Variants in TMED3 observed in about 807,000 individuals in gnomAD.
TMED3 encodes transmembrane p24 trafficking protein 3.
A neutral mutation model predicts 15.0 loss-of-function variants in TMED3; 9 were observed. The observed-to-expected ratio is 0.60, with a 90% CI of 0.36 to 1.04. TMED3 has a LOEUF of 1.04. Among genes scored for constraint, TMED3 ranks in the 50% least tolerant of loss-of-function variants. The pLI, the probability that TMED3 is intolerant of heterozygous loss-of-function variation, is 0.01. For synonymous variants in TMED3, 117 were observed against 121.4 expected (o/e 0.96, Z 0.24); for missense variants, 267 against 278.9 (o/e 0.96, Z 0.30).
chr15:79,313,961 C>T lies in TMED3; in HGVS notation c.373C>T (p.Pro125Ser). 2 of 1,614,216 alleles carry T rather than the reference C, an allele frequency of 1.2e-6. No individual in the cohort carries two copies. Among genetic ancestry groups the T allele is most frequent in the Middle Eastern group, 1.6e-4 (1 of 6,062 alleles). ...TGACTTTCAAGTGGGCGATGAGCCT[C>T]CCATTCTCCCAGACATGGGGAACAG... The part of the protein sequence containing the change: ...YFDFQVGDEP[P>S]ILPDMGNRVT... The change falls in exon 2 of 3, where the codon CCC becomes TCC. Residue 125 changes from proline to serine, a missense_variant. Physicochemically the swap from Pro to Ser is moderately conservative, Grantham distance 74. Transcript: ENST00000299705.
chr15:79,364,020 C>T (rs1893181398), intron 2 of TMED3, among the ~76,000 whole-genome samples: 1 of 152,152 alleles, frequency 6.6e-6, no homozygotes, highest in African/African-American at 2.4e-5. Flanking sequence ...CAGCTAGGTC[C>T]AGGTTCTTGT....
At chr15:79,371,836 G>A (rs146811208) in intron 2 of TMED3, among the ~76,000 whole-genome samples, 3 of 152,300 alleles carry the variant, frequency 2.0e-5, no homozygotes, top group African/African-American at 7.2e-5. Flanking sequence ...CACCTCTGGG[G>A]ACAGTAAGCA....
chr15:79,404,511 G>A (rs1327973142), intron 2 of TMED3, among the ~76,000 whole-genome samples: 2 of 147,958 alleles, frequency 1.4e-5, no homozygotes, highest in African/African-American at 2.5e-5. Flanking sequence ...CTAAAACATG[G>A]CAGGTGAATG....
chr15:79,351,582 T>A (rs1055707887), intron 2 of TMED3, among the ~76,000 whole-genome samples: 6 of 152,270 alleles, frequency 3.9e-5, no homozygotes, highest in Non-Finnish European at 5.9e-5. Context: ...TAATAGATGT[T>A]GGCGTGGATG....
intron 2 of TMED3, among the ~76,000 whole-genome samples, chr15:79,355,052 C>A (rs1021017084): frequency 3.9e-5 from 6 of 152,310 alleles, no homozygotes; most frequent in Non-Finnish European, 5.9e-5. Flanking sequence ...ACTGGGTTTA[C>A]ATACCCACTT....
At chr15:79,327,916 C>T (rs934660451) in intron 2 of TMED3, among the ~76,000 whole-genome samples, 3 of 152,156 alleles carry the variant, frequency 2.0e-5, no homozygotes, top group African/African-American at 4.8e-5. Flanking sequence ...AGGGTGGCAG[C>T]ACTCAGCCAA....
intron 2 of TMED3, among the ~76,000 whole-genome samples, chr15:79,390,884 T>C (rs1404670151): frequency 1.3e-5 from 2 of 152,130 alleles, no homozygotes; most frequent in Non-Finnish European, 2.9e-5. Flanking sequence ...GTGTTCATAG[T>C]AGCCTTGAAC....
intron 2 of TMED3, among the ~76,000 whole-genome samples, chr15:79,321,705 G>A (rs894187040): frequency 1.3e-5 from 2 of 152,198 alleles, no homozygotes; most frequent in African/African-American, 4.8e-5. Flanking sequence ...GAATAAGAGA[G>A]TATAGGGCAG....
At chr15:79,368,878 A>G (rs1361576371) in intron 2 of TMED3, among the ~76,000 whole-genome samples, 1 of 152,122 alleles carries the variant, frequency 6.6e-6, no homozygotes, top group Non-Finnish European at 1.5e-5. Flanking sequence ...ACATGAGGTC[A>G]GGAGTTTAAG....
chr15:79,353,745 A>G (rs2058907587), intron 2 of TMED3, among the ~76,000 whole-genome samples: 1 of 151,830 alleles, frequency 6.6e-6, no homozygotes, highest in South Asian at 2.1e-4. Flanking sequence ...TTAAAAAATG[A>G]AGACATTATT....
At chr15:79,321,914 T>C in intron 2 of TMED3, 64 bp from the exon 3 acceptor site, 2 of 1,568,632 alleles carry the variant, frequency 1.3e-6, no homozygotes, top group Non-Finnish European at 1.7e-6. Context: ...CAGCATTTGC[T>C]GTTTGCTGGA....
intron 2 of TMED3, among the ~76,000 whole-genome samples, chr15:79,385,569 T>C (rs1893615231): frequency 6.6e-6 from 1 of 152,084 alleles, no homozygotes; most frequent in African/African-American, 2.4e-5. Context: ...TGTCTCTGGC[T>C]CCTGCCTGCT....
At chr15:79,396,458 C>T (rs930427255) in intron 2 of TMED3, among the ~76,000 whole-genome samples, 1 of 152,176 alleles carries the variant, frequency 6.6e-6, no homozygotes, top group Non-Finnish European at 1.5e-5. Flanking sequence ...AGTGGCCATC[C>T]TAAGTAGAAA....
At chr15:79,366,190 C>T (rs1044881418) in intron 2 of TMED3, among the ~76,000 whole-genome samples, 1 of 152,270 alleles carries the variant, frequency 6.6e-6, no homozygotes, top group Non-Finnish European at 1.5e-5. Flanking sequence ...TGGAAGAATG[C>T]AAGTTACCTT....
At chr15:79,311,723 G>A (rs1002958404) in intron 1 of TMED3, among the ~76,000 whole-genome samples, 5 of 152,138 alleles carry the variant, frequency 3.3e-5, no homozygotes, top group Non-Finnish European at 7.4e-5. Context: ...GCAGGCCCCC[G>A]AGACACTAAC....
downstream of TMED3, among the ~76,000 whole-genome samples, chr15:79,325,967 C>CATTG (rs1454286249): frequency 6.6e-6 from 1 of 152,112 alleles, no homozygotes; most frequent in Admixed American, 6.6e-5. Context: ...TCTCCCAGTC[C>CATTG]ATTGAGTCAA....
At chr15:79,384,265 G>A (rs568458489) in intron 2 of TMED3, 1 of 152,248 alleles carries the variant, frequency 6.6e-6, no homozygotes, top group Admixed American at 6.5e-5. Flanking sequence ...GAACAGGGTA[G>A]AAATAAATAG....
intron 2 of TMED3, among the ~76,000 whole-genome samples, chr15:79,360,547 C>T (rs560276776): frequency 1.3e-5 from 2 of 152,328 alleles, no homozygotes; most frequent in African/African-American, 2.4e-5. Flanking sequence ...TACAAATTTA[C>T]TCATGTATTC....
At chr15:79,311,571 G>C (rs907701493) in intron 1 of TMED3, among the ~76,000 whole-genome samples, 154 bp downstream of exon 1, 1 of 152,202 alleles carries the variant, frequency 6.6e-6, no homozygotes, top group African/African-American at 2.4e-5. Flanking sequence ...TGACTTCCCC[G>C]TGAGGAGGAA....
Sources: allele counts gnomAD v4.1 joint callset (sites outside exome capture counted in the v4.1 genomes callset), GRCh38; gene constraint gnomAD v4.1.1; transcripts MANE v1.5; gene names NCBI Gene and HGNC (gene_info 2026-07-23, HGNC 2026-07-21).